Variants in EMILIN2 observed in about 807,000 individuals in gnomAD.
EMILIN2 encodes elastin microfibril interfacer 2.
A neutral mutation model predicts 87.1 loss-of-function variants in EMILIN2; 71 were observed. That is an observed-to-expected ratio of 0.82 (90% CI 0.67 to 0.99). The LOEUF is 0.99. Among genes scored for constraint, EMILIN2 ranks in the 50% least tolerant of loss-of-function variants. EMILIN2 has a pLI of 0.00. For missense variants in EMILIN2, 1,407 were observed against 1,371.8 expected (o/e 1.03, Z -0.40); for synonymous variants, 581 against 563.4 (o/e 1.03, Z -0.44).
rs557441744 is a variant in EMILIN2, at chr18:2,847,960, G to C, written c.257+29G>C. ...AGTCCTGGAGCCGGGGAGCGGGCGG[G>C]GCGCGCCCGGGCCGGGGCGGTGGGG... is the stretch of plus-strand genomic sequence containing the variant. On this transcript the variant is annotated intron_variant, in intron 2 of 7. Coordinates refer to ENST00000254528, the MANE Select transcript of EMILIN2 (RefSeq NM_032048.3). This position sits in a 1 kb window ranked among gnomAD's most constrained non-coding sequence, Gnocchi z 4.5. The C allele has an allele frequency of 2.1e-5, 33 of 1,585,856 alleles. No homozygotes were observed. In the East Asian group the frequency reaches 7.5e-4, roughly 36 times the overall value.
chr18:2,890,417 G>C lies in EMILIN2; in HGVS notation c.434-144G>C. Reference sequence around the variant, plus strand: ...TACAAAGCCCATACTCTTTTCTACTGTACCACAGTACTTACCTACAATTGT... The same window carrying C: ...TACAAAGCCCATACTCTTTTCTACTCTACCACAGTACTTACCTACAATTGT... On this transcript the variant is annotated intron_variant, in intron 3 of 7. Transcript: ENST00000254528. The surrounding 1 kb of genome is among the most constrained non-coding windows in gnomAD (Gnocchi z 4.7). The C allele has an allele frequency of 1.1e-6, 1 of 930,800 alleles. No individual in the cohort carries two copies. The highest frequency in any genetic ancestry group is 2.1e-5 in the South Asian group (1 of 47,034). 57.7% of individuals were successfully genotyped at this position (930,800 alleles called of 1,614,324 possible).
At chr18:2,846,836 CG>C (rs2076576397), upstream of EMILIN2, 1 of 985,286 alleles carries the variant, frequency 1.0e-6, no homozygotes, top group African/African-American at 1.7e-5. The surrounding 1 kb of genome is among the most constrained non-coding windows in gnomAD (Gnocchi z 5.3). Flanking sequence ...CAAACCCTTT[CG>C]CCCCTCCACC....
At chr18:2,865,031 C>T (rs1037363530) in intron 2 of EMILIN2, among the ~76,000 whole-genome samples, 11 of 151,926 alleles carry the variant, frequency 7.2e-5, no homozygotes, top group Admixed American at 2.0e-4. Context: ...CTTGTGCATT[C>T]GTCACGTAGT....
intron 2 of EMILIN2, among the ~76,000 whole-genome samples, chr18:2,850,883 C>A (rs117088495): frequency 0.014 from 2,068 of 152,034 alleles, 40 homozygotes; most frequent in Middle Eastern, 0.065. Flanking sequence ...GTGGAGGAAA[C>A]CCCATCTTAG....
chr18:2,852,798 C>T (rs187169955), intron 2 of EMILIN2, among the ~76,000 whole-genome samples: 97 of 152,286 alleles, frequency 6.4e-4, no homozygotes, highest in African/African-American at 2.3e-3. Context: ...GGATTATAGG[C>T]GTGAGCCATT....
chr18:2,901,965 C>T lies in EMILIN2; in HGVS notation c.2360-4818C>T, dbSNP rs538005695. Reference sequence around the variant, plus strand: ...TTCAGCCATCCACGGCACTCATGCACGGACTCCCCAAGGAGATCCACTGAG... The same window carrying T: ...TTCAGCCATCCACGGCACTCATGCATGGACTCCCCAAGGAGATCCACTGAG... On this transcript the variant is annotated intron_variant, in intron 4 of 7. Transcript: ENST00000254528. Among the ~76,000 whole-genome samples the T allele has an allele frequency of 8.5e-5, 13 of 152,306 alleles. No individual in the cohort carries two copies. The East Asian group carries it at 2.1e-3, about 25-fold the overall frequency.
intron 2 of EMILIN2, among the ~76,000 whole-genome samples, chr18:2,868,630 C>T (rs547102846): frequency 6.6e-6 from 1 of 152,332 alleles, no homozygotes; most frequent in African/African-American, 2.4e-5. Context: ...CCCGTCTCCA[C>T]CAAAAAAATA....
chr18:2,855,080 G>A (rs934871229), intron 2 of EMILIN2, among the ~76,000 whole-genome samples: 3 of 152,182 alleles, frequency 2.0e-5, no homozygotes, highest in Non-Finnish European at 4.4e-5. Context: ...ACTCCTGCAC[G>A]GGAGGGCTGG....
intron 2 of EMILIN2, among the ~76,000 whole-genome samples, chr18:2,872,747 A>G (rs1424884601): frequency 6.6e-6 from 1 of 152,234 alleles, no homozygotes; most frequent in East Asian, 1.9e-4. Context: ...ACGCCACTAT[A>G]GAGAAGAGTT....
chr18:2,858,522 CATATATATATATATATATATATATATAT>C lies in EMILIN2; in HGVS notation c.257+10612_257+10639del, dbSNP rs202158489. The stretch of plus-strand genomic sequence containing the variant: ...TTTTTATAGCTGAGTAGTATTCCAT[CATATATATATATATATATATATATATAT>C]ATATATATATATATATATATGTGTG... On this transcript the variant is annotated intron_variant, in intron 2 of 7. Coordinates refer to ENST00000254528, the MANE Select transcript of EMILIN2 (RefSeq NM_032048.3). Among the ~76,000 whole-genome samples the C allele has an allele frequency of 4.4e-3, 203 of 45,734 alleles. 13 individuals carry two copies. In the Middle Eastern group the frequency reaches 0.051, roughly 12 times the overall value. 30.0% of individuals were successfully genotyped at this position (45,734 alleles called of 152,430 possible).
intron 2 of EMILIN2, among the ~76,000 whole-genome samples, chr18:2,855,462 C>T (rs1015991639): frequency 3.3e-5 from 5 of 152,214 alleles, no homozygotes; most frequent in Admixed American, 6.5e-5. Context: ...AATGGCCTTA[C>T]GAAAAGCAGC....
rs577023173 is a variant in EMILIN2, at chr18:2,860,966, A to AT, written c.257+13037dup. The stretch of plus-strand genomic sequence containing the variant: ...GAGATGGTATCTCATTGTGGTTTTG[A>AT]TTGCATTTCTCTGATGGCCAGTGAT... On this transcript the variant is annotated intron_variant, in intron 2 of 7. Coordinates refer to ENST00000254528, the MANE Select transcript of EMILIN2 (RefSeq NM_032048.3). Among the ~76,000 whole-genome samples the AT allele has an allele frequency of 4.2e-3, 641 of 152,116 alleles. 4 individuals carry two copies. Among genetic ancestry groups the AT allele is most frequent in the Non-Finnish European group, 6.5e-3 (444 of 67,992 alleles).
intron 2 of EMILIN2, among the ~76,000 whole-genome samples, chr18:2,857,672 G>A (rs58261915): frequency 0.085 from 12,862 of 152,180 alleles, 1,171 homozygotes; most frequent in East Asian, 0.46. Context: ...CTTGCCTTTA[G>A]CCTTTGAATG....
chr18:2,889,240 C>T (rs768995801), intron 3 of EMILIN2, among the ~76,000 whole-genome samples: 49 of 146,872 alleles, frequency 3.3e-4, no homozygotes, highest in South Asian at 8.6e-4. Context: ...TGGGTTCAAG[C>T]GATTTTTCTG....
chr18:2,848,136 G>C lies in EMILIN2; in HGVS notation c.257+205G>C, dbSNP rs1260886861. ...GGAGTGGGTGCTGCCCGAGTGAGTG[G>C]GGAGGATGCGCGCGCCTCGGGAGTG... On this transcript the variant is annotated intron_variant, in intron 2 of 7. Transcript: ENST00000254528. The surrounding 1 kb of genome is among the most constrained non-coding windows in gnomAD (Gnocchi z 4.1). 1.3e-5 allele frequency among the ~76,000 whole-genome samples: 2 copies of C among 152,248 alleles called. No individual in the cohort carries two copies. Among genetic ancestry groups the C allele is most frequent in the Non-Finnish European group, 2.9e-5 (2 of 68,036 alleles).
intron 5 of EMILIN2, among the ~76,000 whole-genome samples, chr18:2,907,721 G>A (rs1478667164): frequency 6.6e-6 from 1 of 152,228 alleles, no homozygotes; most frequent in African/African-American, 2.4e-5. Context: ...ACGTGCCAGG[G>A]ACTGAACCCT....
chr18:2,872,945 T>G (rs1001495739), intron 2 of EMILIN2, among the ~76,000 whole-genome samples: 2 of 152,128 alleles, frequency 1.3e-5, no homozygotes, highest in Non-Finnish European at 2.9e-5. Flanking sequence ...GTGGGCTAGC[T>G]TATGCCCATG....
At chr18:2,856,906 TAATGA>T (rs1243685318) in intron 2 of EMILIN2, among the ~76,000 whole-genome samples, 2 of 152,284 alleles carry the variant, frequency 1.3e-5, no homozygotes, top group South Asian at 2.1e-4. Flanking sequence ...GAAGGGAAAA[TAATGA>T]AATGACTAAA....
chr18:2,893,972 A>G (rs1021339594), intron 4 of EMILIN2, among the ~76,000 whole-genome samples: 1 of 152,184 alleles, frequency 6.6e-6, no homozygotes, highest in Non-Finnish European at 1.5e-5. Flanking sequence ...GCTTTGTGCT[A>G]GAAGGAACCT....
Sources: allele counts gnomAD v4.1 joint callset (sites outside exome capture counted in the v4.1 genomes callset), GRCh38; gene constraint gnomAD v4.1.1; non-coding constraint Gnocchi (gnomAD v3.1); transcripts MANE v1.5; gene names NCBI Gene and HGNC (gene_info 2026-07-23, HGNC 2026-07-21).